HAS3: variants seen among roughly 807,000 people sequenced by gnomAD.
The protein encoded by HAS3 is HA synthase 3.
Under a neutral mutation model 50.3 loss-of-function variants are expected in HAS3, and 27 were observed. The observed-to-expected ratio is 0.54, with a 90% CI of 0.40 to 0.74. The LOEUF (loss-of-function observed/expected upper bound fraction) is 0.74, where lower values mean the gene tolerates loss of function less well. HAS3 is among the 30% of genes least tolerant of loss of function. The probability of loss-of-function intolerance (pLI) is 0.00; values close to 1 mark genes in which losing one functional copy is unlikely to be tolerated. For synonymous variants in HAS3, 339 were observed against 310.9 expected, an observed-to-expected ratio of 1.09 and a Z score of -0.95; for missense variants, 517 against 742.8, an observed-to-expected ratio of 0.70 and a Z score of 3.53.
chr16:69,095,375 AC>A, the HAS3 span, among the ~76,000 whole-genome samples: 1 of 152,090 alleles, frequency 6.6e-6, no homozygotes, highest in South Asian at 2.1e-4. Flanking sequence ...CACTCTTCTT[AC>A]GTGCTCTAGA....
At chr16:69,112,757 G>A (rs1222756848) in intron 2 of HAS3, among the ~76,000 whole-genome samples, 1 of 152,208 alleles carries the variant, frequency 6.6e-6, no homozygotes, top group Non-Finnish European at 1.5e-5. Flanking sequence ...GTTAGAATCA[G>A]GCCATAAGCC....
At chr16:69,087,443 T>G in the HAS3 span, among the ~76,000 whole-genome samples, 1 of 152,370 alleles carries the variant, frequency 6.6e-6, no homozygotes, top group South Asian at 2.1e-4. Context: ...CCAAGTTCTC[T>G]GTTATTTAAT....
At chr16:69,118,475 A>G (rs771362102), downstream of HAS3, 7 of 1,505,654 alleles carry the variant, frequency 4.6e-6, no homozygotes, top group African/African-American at 5.5e-5. Context: ...TGATTCTCCA[A>G]TGGTGAGCAG....
the HAS3 span, among the ~76,000 whole-genome samples, chr16:69,086,456 A>G: frequency 6.6e-6 from 1 of 151,946 alleles, no homozygotes; most frequent in African/African-American, 2.4e-5. Flanking sequence ...GAGCCCCCAC[A>G]CTGGGCCCTA....
chr16:69,112,450 T>C (rs1961037977), intron 2 of HAS3, among the ~76,000 whole-genome samples: 1 of 152,170 alleles, frequency 6.6e-6, no homozygotes, highest in African/African-American at 2.4e-5. Context: ...TCTTCCAACA[T>C]AGAGAAAGCT....
upstream of HAS3, among the ~76,000 whole-genome samples, chr16:69,101,481 A>G (rs1960696191): frequency 6.6e-6 from 1 of 151,948 alleles, no homozygotes; most frequent in Non-Finnish European, 1.5e-5. Context: ...TTGTGTTTCT[A>G]GTAGAGACGG....
At chr16:69,118,571 A>G (rs1238561545), downstream of HAS3, 6 of 757,558 alleles carry the variant, frequency 7.9e-6, no homozygotes, top group South Asian at 7.2e-5. Flanking sequence ...AGTAAGAAAC[A>G]ATGGGCAGAA....
the HAS3 span, among the ~76,000 whole-genome samples, chr16:69,095,704 G>C: frequency 6.6e-6 from 1 of 151,896 alleles, no homozygotes; most frequent in Non-Finnish European, 1.5e-5. Context: ...CAGGGAGTGG[G>C]GGTCCTAGCC....
At position 69,115,329 on chromosome 16, in the gene HAS3, A is replaced by G; in HGVS notation, c.*63A>G. 2 of 1,487,282 alleles carry G rather than the reference A, an allele frequency of 1.3e-6. No individual in the cohort carries two copies. Among genetic ancestry groups the G allele is most frequent in the Admixed American group, 4.8e-5 (2 of 41,762 alleles). The allele number at this position is 1,487,282 out of a possible 1,614,324, so 92.1% of individuals were successfully genotyped here. On this transcript the variant is annotated 3_prime_UTR_variant, in exon 4 of 4. Coordinates refer to ENST00000569188, the MANE Select transcript of HAS3 (RefSeq NM_001199280.2). ...AAGGGAGGGAAGGGGAATGGAAGAG[A>G]AAAGACAGGGTGGGAGGGAGGAGGG...
rs1201442621 is a variant in HAS3, at chr16:69,114,518, A to G, written c.914A>G (p.Gln305Arg). ...LQQFLEDWYH[Q>R]KFLGSKCSFG... is the part of the protein sequence containing the mutation. ...CAGTTCCTGGAGGACTGGTACCATC[A>G]GAAGTTCCTAGGCAGCAAGTGCAGC... The change falls in exon 4 of 4, where the codon CAG becomes CGG. Residue 305 changes from glutamine (Q) to arginine (R), a missense_variant. Transcript: ENST00000569188. This position sits in a 1 kb window ranked among gnomAD's most constrained non-coding sequence, Gnocchi z 6.4. 6.2e-7 allele frequency: 1 copy of G among 1,614,112 alleles called. No homozygotes were observed.
Position 69,114,323 on chromosome 16 carries a change from G to A in HAS3, c.739-20G>A, listed in dbSNP as rs752381089. ...CGGACGTGCAACCTTAGGAGGCCCA[G>A]CATCTCTATTCCCTTGCAGATCCTC... is the stretch of plus-strand genomic sequence containing the variant. On this transcript the variant is annotated intron_variant, in intron 3 of 3. Coordinates refer to ENST00000569188, the MANE Select transcript of HAS3 (RefSeq NM_001199280.2). This position sits in a 1 kb window ranked among gnomAD's most constrained non-coding sequence, Gnocchi z 6.4. 27 of 1,569,710 alleles carry A rather than the reference G, an allele frequency of 1.7e-5. No homozygotes were observed. The highest frequency in any genetic ancestry group is 1.2e-4 in the Admixed American group (7 of 57,502).
Position 69,109,286 on chromosome 16 carries a change from C to T in HAS3, c.1-110C>T, listed in dbSNP as rs573366180. The T allele has an allele frequency of 1.1e-5, 12 of 1,115,328 alleles. 1 individual carries two copies. Among genetic ancestry groups the T allele is most frequent in the African/African-American group, 9.4e-5 (6 of 64,088 alleles). 69.1% of individuals were successfully genotyped at this position (1,115,328 alleles called of 1,614,324 possible). ...AAGTCTTATGCTCAGTAAGCGGTAA[C>T]GGTTTTGATCAGTGGGTCATGTCCA... On this transcript the variant is annotated intron_variant, in intron 1 of 3. Transcript: ENST00000569188. The surrounding 1 kb of genome is among the most constrained non-coding windows in gnomAD (Gnocchi z 5.3).
At chr16:69,089,024 C>G in the HAS3 span, among the ~76,000 whole-genome samples, 2 of 152,168 alleles carry the variant, frequency 1.3e-5, no homozygotes, top group African/African-American at 4.8e-5. Flanking sequence ...ATGCCACCCC[C>G]CAACTTGGCC....
Position 69,109,056 on chromosome 16 carries a change from C to T in HAS3, c.1-340C>T, listed in dbSNP as rs1410820122. On this transcript the variant is annotated intron_variant, in intron 1 of 3. Coordinates refer to ENST00000569188, the MANE Select transcript of HAS3 (RefSeq NM_001199280.2). The surrounding 1 kb of genome is among the most constrained non-coding windows in gnomAD (Gnocchi z 5.3). ...GGTAGAGCCCAGTTCTGCCACCCAC[C>T]AGCCAGATGTCACGTGACCCTCTGG... Among the ~76,000 whole-genome samples the T allele has an allele frequency of 6.6e-6, 1 of 152,200 alleles. No individual in the cohort carries two copies. Among genetic ancestry groups the T allele is most frequent in the African/African-American group, 2.4e-5 (1 of 41,444 alleles).
chr16:69,104,221 G>A (rs1295020066), upstream of HAS3, among the ~76,000 whole-genome samples: 1 of 151,034 alleles, frequency 6.6e-6, no homozygotes, highest in African/African-American at 2.4e-5. Flanking sequence ...CTCCCTAGTA[G>A]CTGGGACTAC....
downstream of HAS3, chr16:69,118,691 C>T (rs1240111798): frequency 4.5e-6 from 3 of 662,032 alleles, no homozygotes; most frequent in African/African-American, 1.8e-5. Flanking sequence ...AACATCTCAC[C>T]TTCAGTCAAG....
At chr16:69,091,577 G>T in the HAS3 span, among the ~76,000 whole-genome samples, 1 of 151,920 alleles carries the variant, frequency 6.6e-6, no homozygotes, top group Non-Finnish European at 1.5e-5. Context: ...TCTCAAAGCA[G>T]TGTTGATACC....
the HAS3 span, among the ~76,000 whole-genome samples, chr16:69,093,314 C>T: frequency 2.0e-5 from 3 of 152,006 alleles, no homozygotes; most frequent in Non-Finnish European, 4.4e-5. Flanking sequence ...CGAGTTCAAG[C>T]GATTCTCCTG....
chr16:69,090,413 T>C, the HAS3 span, among the ~76,000 whole-genome samples: 2 of 152,066 alleles, frequency 1.3e-5, no homozygotes, highest in Non-Finnish European at 2.9e-5. Context: ...TATGTGCACT[T>C]GGCACTTTTT....
Sources: allele counts gnomAD v4.1 joint callset (sites outside exome capture counted in the v4.1 genomes callset), GRCh38; gene constraint gnomAD v4.1.1; non-coding constraint Gnocchi (gnomAD v3.1); transcripts MANE v1.5; gene names NCBI Gene and HGNC (gene_info 2026-07-23, HGNC 2026-07-21).